Variants in SETBP1 observed in about 807,000 individuals in gnomAD.
SETBP1 encodes the protein SET-binding protein.
Under a neutral mutation model 101.0 loss-of-function variants are expected in SETBP1, and 9 were observed. That is an observed-to-expected ratio of 0.09 (90% confidence interval 0.05 to 0.16). The LOEUF (loss-of-function observed/expected upper bound fraction) is 0.16, where lower values mean the gene tolerates loss of function less well. Among genes scored for constraint, SETBP1 ranks in the 10% least tolerant of loss-of-function variants. SETBP1 has a pLI of 1.00. For missense variants in SETBP1, 1,858 were observed against 2,033.8 expected (o/e 0.91, Z 1.66); for synonymous variants, 818 against 788.5 (o/e 1.04, Z -0.63).
At chr18:44,708,706 C>A (rs1323886940) in intron 2 of SETBP1, among the ~76,000 whole-genome samples, 2 of 151,300 alleles carry the variant, frequency 1.3e-5, no homozygotes, top group Non-Finnish European at 2.9e-5. Context: ...GCATACTTTA[C>A]CTCCCTGCTT....
intron 2 of SETBP1, among the ~76,000 whole-genome samples, chr18:44,751,106 A>T (rs2070371590): frequency 6.6e-6 from 1 of 152,230 alleles, no homozygotes; most frequent in Non-Finnish European, 1.5e-5. Flanking sequence ...CTCCTGCAGG[A>T]CATGGCAAAG....
intron 3 of SETBP1, among the ~76,000 whole-genome samples, chr18:44,875,433 G>A (rs1204187397): frequency 3.4e-5 from 5 of 145,912 alleles, no homozygotes; most frequent in South Asian, 4.4e-4. Context: ...TAGGAGAATA[G>A]CTTGAACCCA....
At chr18:44,822,158 G>A (rs1032011361) in intron 2 of SETBP1, among the ~76,000 whole-genome samples, 16 of 152,196 alleles carry the variant, frequency 1.1e-4, no homozygotes, top group African/African-American at 1.4e-4. Flanking sequence ...TCTGGAACAC[G>A]AATTCCATGT....
chr18:44,836,120 T>TTC (rs2072489719), intron 2 of SETBP1, among the ~76,000 whole-genome samples: 1 of 3,612 alleles, frequency 2.8e-4, no homozygotes, highest in African/African-American at 5.2e-4. Context: ...CTCTATAAGC[T>TTC]TTTTTTTTTT....
At chr18:45,010,443 C>G (rs994892447) in intron 4 of SETBP1, among the ~76,000 whole-genome samples, 1 of 152,184 alleles carries the variant, frequency 6.6e-6, no homozygotes, top group African/African-American at 2.4e-5. Flanking sequence ...TAGTGTTTTT[C>G]TGTAACTTCT....
intron 2 of SETBP1, among the ~76,000 whole-genome samples, chr18:44,709,751 G>A (rs904539899): frequency 6.6e-6 from 1 of 151,692 alleles, no homozygotes; most frequent in African/African-American, 2.4e-5. Flanking sequence ...CTGGGGGGCA[G>A]CACCAGTGCC....
intron 4 of SETBP1, among the ~76,000 whole-genome samples, chr18:44,969,462 C>G (rs2071793563): frequency 6.6e-6 from 1 of 152,192 alleles, no homozygotes; most frequent in South Asian, 2.1e-4. Context: ...TTAAGCTTTT[C>G]CCTCCTTCCC....
At chr18:44,791,260 A>G (rs1233652306) in intron 2 of SETBP1, among the ~76,000 whole-genome samples, 1 of 152,184 alleles carries the variant, frequency 6.6e-6, no homozygotes, top group Non-Finnish European at 1.5e-5. Flanking sequence ...CCTCAAATGC[A>G]CAGGTCAGCT....
chr18:44,952,659 G>C lies in SETBP1; in HGVS notation c.3319G>C (p.Ala1107Pro). Residue 1107 changes from alanine to proline, a missense_variant, in exon 4 of 6, where the codon GCT (alanine) becomes CCT (proline). By Grantham distance (27) the Ala-to-Pro change is conservative. Around this residue, in one of 12 missense-constraint regions of SETBP1, gnomAD observed 255 missense variants for 300.1 expected, o/e 0.85. Coordinates refer to ENST00000649279, the MANE Select transcript of SETBP1 (RefSeq NM_015559.3). ...TNSHVKMSGA[A>P]KHKAKHGVHL... ...CTCCCACGTAAAGATGTCCGGTGCAGCTAAGCATAAAGCCAAGCATGGAGT... is the reference window on the plus strand; with the variant it reads ...CTCCCACGTAAAGATGTCCGGTGCACCTAAGCATAAAGCCAAGCATGGAGT... 6.2e-7 allele frequency: 1 copy of C among 1,614,108 alleles called. No homozygotes were observed. The highest frequency in any genetic ancestry group is 1.1e-5 in the South Asian group (1 of 91,076).
intron 2 of SETBP1, among the ~76,000 whole-genome samples, chr18:44,714,110 T>A (rs2069407196): frequency 6.6e-6 from 1 of 152,218 alleles, no homozygotes; most frequent in African/African-American, 2.4e-5. Flanking sequence ...AATTATGGTG[T>A]AAGCTCCCTG....
chr18:44,755,184 A>T (rs1216092923), intron 2 of SETBP1, among the ~76,000 whole-genome samples: 1 of 152,250 alleles, frequency 6.6e-6, no homozygotes, highest in Non-Finnish European at 1.5e-5. Context: ...AGATTAAAAA[A>T]TGAGAAGGGA....
rs766190985 is a variant in SETBP1, at chr18:44,950,015, C to T, written c.675C>T (p.Asn225=). Residue 225 remains asparagine, a synonymous_variant, in exon 4 of 6, where the codon AAC becomes AAT. Coordinates refer to ENST00000649279, the MANE Select transcript of SETBP1 (RefSeq NM_015559.3). ...SSQNHMDWST[N]SDSGPVTQNC... is the part of the protein sequence containing the mutation. ...AGAACCACATGGACTGGTCCACCAA[C>T]TCTGACAGCGGACCCGTCACTCAGA... The T allele has an allele frequency of 1.1e-5, 17 of 1,614,194 alleles. No homozygotes were observed. Among genetic ancestry groups the T allele is most frequent in the Non-Finnish European group, 1.3e-5 (15 of 1,180,020 alleles).
intron 2 of SETBP1, among the ~76,000 whole-genome samples, chr18:44,738,849 T>G (rs2070037911): frequency 6.6e-6 from 1 of 152,048 alleles, no homozygotes; most frequent in Non-Finnish European, 1.5e-5. Context: ...AGTCTCCTTT[T>G]ATGTGTAACA....
At chr18:44,760,337 G>T (rs1290560167) in intron 2 of SETBP1, among the ~76,000 whole-genome samples, 1 of 152,216 alleles carries the variant, frequency 6.6e-6, no homozygotes, top group East Asian at 1.9e-4. Flanking sequence ...AAATGTGTCT[G>T]TACTTGAAGA....
intron 2 of SETBP1, among the ~76,000 whole-genome samples, chr18:44,867,843 A>G (rs577193120): frequency 1.4e-4 from 22 of 152,232 alleles, no homozygotes; most frequent in Admixed American, 6.5e-4. Context: ...AAGGAAGCTA[A>G]AAATTCCAGT....
chr18:45,020,293 A>AAAAAAAAAAAAAAG (rs1568032212), intron 4 of SETBP1, among the ~76,000 whole-genome samples: 11 of 133,906 alleles, frequency 8.2e-5, no homozygotes, highest in African/African-American at 3.2e-4. Flanking sequence ...AAAAAAAAAA[A>AAAAAAAAAAAAAAG]AAGTGGCTTC....
intron 2 of SETBP1, among the ~76,000 whole-genome samples, chr18:44,729,303 T>G (rs900132353): frequency 1.3e-5 from 2 of 152,168 alleles, no homozygotes; most frequent in Non-Finnish European, 2.9e-5. Flanking sequence ...GAGCAGATCA[T>G]AGGGGAGAGA....
intron 5 of SETBP1, among the ~76,000 whole-genome samples, chr18:45,049,822 G>T (rs2073692323): frequency 6.6e-6 from 1 of 152,100 alleles, no homozygotes; most frequent in Non-Finnish European, 1.5e-5. Context: ...TTAGGGGGTT[G>T]GAAAAGGCCT....
chr18:44,733,192 A>G (rs1281301875), intron 2 of SETBP1: 1 of 152,168 alleles, frequency 6.6e-6, no homozygotes, highest in East Asian at 1.9e-4. Flanking sequence ...TACTGTTTGA[A>G]TGCCAGCTCA....
Sources: gnomAD v4.1 joint callset for allele counts (sites outside exome capture counted in the v4.1 genomes callset) on GRCh38, gnomAD v4.1.1 for gene constraint, gnomAD v4.1.1 regional missense constraint, MANE v1.5 for transcripts, NCBI Gene and HGNC (gene_info 2026-07-23, HGNC 2026-07-21) for gene names.